The following EXOSC8 variants were observed in gnomAD, a reference collection of about 807,000 sequenced individuals.
EXOSC8 encodes the protein exosome component 8, also known as exosome complex component RRP43.
In EXOSC8, 37 loss-of-function variants were observed where a neutral mutation model predicts 39.9. The ratio of observed to expected loss-of-function variants is 0.93; its 90% confidence interval spans 0.71 to 1.22. The LOEUF (loss-of-function observed/expected upper bound fraction) is 1.22, where lower values mean the gene tolerates loss of function less well. EXOSC8 is among the 50% of genes most tolerant of loss of function. The probability of loss-of-function intolerance (pLI) is 0.00; values close to 1 mark genes in which losing one functional copy is unlikely to be tolerated. For synonymous variants in EXOSC8, 93 were observed against 109.5 expected, an observed-to-expected ratio of 0.85 and a Z score of 0.94; for missense variants, 313 against 326.6, an observed-to-expected ratio of 0.96 and a Z score of 0.32.
intron 8 of EXOSC8, 101 bp downstream of exon 8, chr13:37,007,172 A>G: frequency 1.3e-6 from 1 of 753,120 alleles, no homozygotes; most frequent in South Asian, 1.5e-5. Flanking sequence ...TTCCAAATTA[A>G]TGAATGTAAT....
intron 1 of EXOSC8, 25 bp from the exon 2 acceptor site, chr13:37,002,246 CAG>C (rs2059111122): frequency 4.5e-6 from 7 of 1,569,824 alleles, no homozygotes; most frequent in Non-Finnish European, 6.1e-6. Flanking sequence ...CAGTTTATCT[CAG>C]ATATATTTTT....
At chr13:37,002,575 A>C in intron 3 of EXOSC8, 24 bp downstream of exon 3, 1 of 1,501,748 alleles carries the variant, frequency 6.7e-7, no homozygotes, top group Non-Finnish European at 9.1e-7. Flanking sequence ...TTCCACTTTC[A>C]ACTGTATGAT....
intron 7 of EXOSC8, among the ~76,000 whole-genome samples, chr13:37,006,576 A>G (rs993729785): frequency 6.6e-6 from 1 of 152,198 alleles, no homozygotes; most frequent in Non-Finnish European, 1.5e-5. Context: ...CTACTAGATC[A>G]TATAAACTGA....
rs2059162749 is a variant in EXOSC8, at chr13:37,008,160, C to T, written c.591C>T (p.Ser197=). 1.4e-5 allele frequency: 22 copies of T among 1,597,934 alleles called. No individual in the cohort carries two copies. The highest frequency in any genetic ancestry group is 1.8e-5 in the Non-Finnish European group (21 of 1,173,706). ...TTAGAACTCATCCAGTTGCAACTTC[C>T]TTTGCTGTGTTTGATGAGTAAGTTA... The part of the protein sequence containing the change: ...LNIRTHPVAT[S]FAVFDDTLLI... The change falls in exon 9 of 11, where the codon TCC becomes TCT. Residue 197 remains serine (S), a synonymous_variant. Coordinates refer to ENST00000389704, the MANE Select transcript of EXOSC8 (RefSeq NM_181503.3).
At chr13:37,006,221 G>A (rs911492789) in intron 7 of EXOSC8, 61 bp downstream of exon 7, 1 of 1,149,706 alleles carries the variant, frequency 8.7e-7, no homozygotes, top group Non-Finnish European at 1.3e-6. Context: ...TTTTTTGTGG[G>A]GGAAAGTGAA....
chr13:37,008,277 A>C, intron 9 of EXOSC8, 100 bp downstream of exon 9: 1 of 975,788 alleles, frequency 1.0e-6, no homozygotes, highest in Non-Finnish European at 1.6e-6. Flanking sequence ...GTGACCCTAC[A>C]TCCTAGTTTT....
chr13:37,002,342 T>G (rs777627539), intron 2 of EXOSC8, 33 bp downstream of exon 2: 9 of 1,555,202 alleles, frequency 5.8e-6, no homozygotes, highest in African/African-American at 4.1e-5. Flanking sequence ...TTATGCGTTT[T>G]GATAACGAGC....
chr13:37,007,058 G>A lies in EXOSC8; in HGVS notation c.474G>A (p.Ala158=), dbSNP rs768702144. 145 of 1,610,592 alleles carry A rather than the reference G, an allele frequency of 9.0e-5. No homozygotes were observed. Among genetic ancestry groups the A allele is most frequent in the Middle Eastern group, 3.3e-4 (2 of 6,082 alleles). Residue 158 remains alanine (A), a synonymous_variant, in exon 8 of 11, where the codon GCG becomes GCA. Transcript: ENST00000389704. ...ATGCCTGCACATTTGCTTTGCTAGCGGCTTTAAAAAATGGTAAGCAGCCTT... is the reference window on the plus strand; with the variant it reads ...ATGCCTGCACATTTGCTTTGCTAGCAGCTTTAAAAAATGGTAAGCAGCCTT... The part of the protein sequence containing the change: ...ILDACTFALL[A]ALKNVQLPEV...
intron 3 of EXOSC8, 63 bp from the exon 4 acceptor site, chr13:37,002,867 ATTAT>A: frequency 9.4e-7 from 1 of 1,060,392 alleles, no homozygotes; most frequent in Admixed American, 1.8e-5. Context: ...CTTAATTTTA[ATTAT>A]TATGTGGATA....
chr13:37,007,072 G>T lies in EXOSC8; in HGVS notation c.487+1G>T. ...GCTTTGCTAGCGGCTTTAAAAAATG[G>T]TAAGCAGCCTTACAAAAAAGGCAAT... On this transcript the variant is annotated splice_donor_variant, in intron 8 of 10. Coordinates refer to ENST00000389704, the MANE Select transcript of EXOSC8 (RefSeq NM_181503.3). LOFTEE classifies it high-confidence loss of function. The T allele has an allele frequency of 1.2e-6, 2 of 1,600,746 alleles. No individual in the cohort carries two copies. The highest frequency in any genetic ancestry group is 1.7e-6 in the Non-Finnish European group (2 of 1,167,750).
chr13:37,006,012 G>A lies in EXOSC8; in HGVS notation c.331G>A (p.Asp111Asn). 1.2e-6 allele frequency: 2 copies of A among 1,603,452 alleles called. No individual in the cohort carries two copies. The highest frequency in any genetic ancestry group is 1.7e-6 in the Non-Finnish European group (2 of 1,170,724). The change falls in exon 6 of 11, where the codon GAT becomes AAT. Residue 111 changes from aspartate (D) to asparagine (N), a missense_variant. Asp to Asn is a conservative substitution (Grantham distance 23). Transcript: ENST00000389704. Reference protein sequence around the residue: ...EAQVASQFIADVIENSQIIQK... With the variant: ...EAQVASQFIANVIENSQIIQK... ...CCAAGTGGCTAGCCAGTTCATTGCA[G>A]ATGTCATTGAAAAGTAAGAGCACCA...
chr13:37,008,883 G>T (rs775146310), intron 10 of EXOSC8, 48 bp downstream of exon 10: 1 of 1,227,150 alleles, frequency 8.1e-7, no homozygotes, highest in Non-Finnish European at 1.2e-6. Context: ...TGAAAACTCA[G>T]TGTGAGCCTT....
Position 37,006,150 on chromosome 13 carries a change from C to G in EXOSC8, c.380C>G (p.Ser127Cys). The change falls in exon 7 of 11, where the codon TCT (serine) becomes TGT (cysteine). Residue 127 changes from serine to cysteine, a missense_variant. Coordinates refer to ENST00000389704, the MANE Select transcript of EXOSC8 (RefSeq NM_181503.3). The stretch of plus-strand genomic sequence containing the variant: ...ATTCAGAAAGAGGACTTATGCATTT[C>G]TCCAGGAAAGGTAAGAGGAATAGAG... ...QIIQKEDLCI[S>C]PGKLVWVLYC... 1 of 1,608,294 alleles carries G rather than the reference C, an allele frequency of 6.2e-7. No individual in the cohort carries two copies. Among genetic ancestry groups the G allele is most frequent in the Non-Finnish European group, 8.5e-7 (1 of 1,175,324 alleles).
intron 1 of EXOSC8, among the ~76,000 whole-genome samples, chr13:37,001,237 T>A (rs1427482844): frequency 6.6e-6 from 1 of 152,066 alleles, no homozygotes; most frequent in Non-Finnish European, 1.5e-5. Flanking sequence ...GGTGAAACAC[T>A]GTCTCTAATA....
intron 7 of EXOSC8, 45 bp downstream of exon 7, chr13:37,006,205 G>T (rs193160529): frequency 7.1e-7 from 1 of 1,409,588 alleles, no homozygotes. Flanking sequence ...ATTCTGAAGG[G>T]ATTTTTTTTT....
intron 1 of EXOSC8, among the ~76,000 whole-genome samples, 164 bp from the exon 2 acceptor site, chr13:37,002,109 G>C (rs1410530039): frequency 6.6e-6 from 1 of 152,160 alleles, no homozygotes; most frequent in East Asian, 1.9e-4. Flanking sequence ...GACAGCAATT[G>C]AATGTGATTG....
chr13:37,007,949 A>C (rs1490995751), intron 8 of EXOSC8, 108 bp from the exon 9 acceptor site: 130 of 810,388 alleles, frequency 1.6e-4, no homozygotes. Context: ...TTAAAAAGAA[A>C]TGTTCTGGGC....
chr13:37,001,274 T>C (rs1343272863), intron 1 of EXOSC8, among the ~76,000 whole-genome samples: 2 of 152,046 alleles, frequency 1.3e-5, no homozygotes, highest in Non-Finnish European at 2.9e-5. Flanking sequence ...CCGGGCGTGG[T>C]GGCGGGCGCC....
chr13:37,008,101 GAAGTT>G lies in EXOSC8; in HGVS notation c.535_539del (p.Val179PhefsTer10), dbSNP rs751701456. The stretch of plus-strand genomic sequence containing the variant: ...TATAAATGAAGAAACTGCTTTAGCA[GAAGTT>G]AATTTAAAGAAGAAAAGTTATTTGA... On this transcript the variant is annotated frameshift_variant, in exon 9 of 11. Coordinates refer to ENST00000389704, the MANE Select transcript of EXOSC8 (RefSeq NM_181503.3). LOFTEE classifies it high-confidence loss of function. The G allele has an allele frequency of 1.9e-6, 3 of 1,597,154 alleles. No individual in the cohort carries two copies. Among genetic ancestry groups the G allele is most frequent in the East Asian group, 2.2e-5 (1 of 44,686 alleles).
Sources: gnomAD v4.1 joint callset for allele counts (sites outside exome capture counted in the v4.1 genomes callset) on GRCh38, gnomAD v4.1.1 for gene constraint, MANE v1.5 for transcripts, NCBI Gene and HGNC (gene_info 2026-07-23, HGNC 2026-07-21) for gene names.